VSIG1: variants seen among roughly 807,000 people sequenced by gnomAD.
VSIG1 encodes V-set and immunoglobulin domain-containing protein 1.
VSIG1 carries 11 observed loss-of-function variants against 20.1 expected under a neutral mutation model. That is an observed-to-expected ratio of 0.55 (90% CI 0.34 to 0.91). The LOEUF is 0.91. Ranked by LOEUF, VSIG1 falls within the 40% of genes least tolerant of loss-of-function variation. The probability of loss-of-function intolerance (pLI) is 0.02; values close to 1 mark genes in which losing one functional copy is unlikely to be tolerated. For synonymous variants in VSIG1, 126 were observed against 116.7 expected, an observed-to-expected ratio of 1.08 and a Z score of -0.52; for missense variants, 283 against 298.8, an observed-to-expected ratio of 0.95 and a Z score of 0.39.
intron 4 of VSIG1, 142 bp from the exon 5 acceptor site, chrX:108,073,108 C>T (rs2031282709): frequency 1.4e-6 from 1 of 738,420 alleles, no homozygotes; most frequent in South Asian, 2.6e-5. Flanking sequence ...TGGAACAGTC[C>T]TGAGGGGCCT....
chrX:108,073,692 G>A, intron 5 of VSIG1: 1 of 175,741 alleles, frequency 5.7e-6, no homozygotes, highest in Non-Finnish European at 1.1e-5. Flanking sequence ...TGATGCTGTT[G>A]GTAAATCCAG....
chrX:108,033,282 C>T, the VSIG1 span, among the ~76,000 whole-genome samples: 7 of 112,269 alleles, frequency 6.2e-5, no homozygotes, highest in Middle Eastern at 4.6e-3. Flanking sequence ...TCGCTACGAG[C>T]GGTGAGATCC....
chrX:108,067,502 G>A (rs886136847), intron 3 of VSIG1, among the ~76,000 whole-genome samples: 11 of 111,633 alleles, frequency 9.9e-5, no homozygotes, highest in African/African-American at 3.6e-4. Context: ...ATCTACCTGG[G>A]GGAGACTACT....
Position 108,047,953 on chromosome X carries a change from TACAC to T in VSIG1, c.49+2780_49+2783del, listed in dbSNP as rs1158174171. Among the ~76,000 whole-genome samples, 60 of 14,984 alleles carry T rather than the reference TACAC, an allele frequency of 4.0e-3. 2 individuals are homozygous for T. The highest frequency in any genetic ancestry group is 0.011 in the African/African-American group (27 of 2,364). The allele number at this position is 14,984 out of a possible 115,157, so 13.0% of individuals were successfully genotyped here. On this transcript the variant is annotated intron_variant, in intron 1 of 6. Transcript: ENST00000217957. Reference sequence around the variant, plus strand: ...ATATATACACATATATATATATATATACACACACATATATATATATATATATATA... The same window carrying T: ...ATATATACACATATATATATATATATACACATATATATATATATATATATA...
Position 108,077,268 on chromosome X carries a change from G to A in VSIG1, c.1051G>A (p.Glu351Lys), listed in dbSNP as rs369725236. The A allele has an allele frequency of 4.3e-5, 52 of 1,210,346 alleles. No individual in the cohort carries two copies. The highest frequency in any genetic ancestry group is 5.6e-5 in the Non-Finnish European group (50 of 895,401). Residue 351 changes from glutamate (E) to lysine (K), a missense_variant, in exon 7 of 7, where the codon GAG becomes AAG. Transcript: ENST00000217957. ...TGACCTTGACATCGAGCTGGAGCTG[G>A]AGCCAGAAACGCAGTCGGAATTGGA... ...VPDLDIELEL[E>K]PETQSELEPE...
At chrX:108,047,877 T>TATATATACACACAC (rs1569287178) in intron 1 of VSIG1, among the ~76,000 whole-genome samples, 5 of 31,607 alleles carry the variant, frequency 1.6e-4, no homozygotes, top group African/African-American at 7.7e-4. Flanking sequence ...TATACACATA[T>TATATATACACACAC]ATATATATAC....
At chrX:108,050,832 T>C (rs1380709548) in intron 1 of VSIG1, among the ~76,000 whole-genome samples, 1 of 111,438 alleles carries the variant, frequency 9.0e-6, no homozygotes, top group East Asian at 2.8e-4. Context: ...GTATAAACCC[T>C]GGAAATAATG....
chrX:108,075,703 G>A (rs1276984231), intron 5 of VSIG1, among the ~76,000 whole-genome samples: 1 of 111,344 alleles, frequency 9.0e-6, no homozygotes, highest in Non-Finnish European at 1.9e-5. Flanking sequence ...CGCCATGGGG[G>A]AGGTTTTTAG....
At chrX:108,046,347 T>A (rs1469270517) in intron 1 of VSIG1, among the ~76,000 whole-genome samples, 2 of 111,873 alleles carry the variant, frequency 1.8e-5, no homozygotes, top group African/African-American at 6.5e-5. Context: ...CACATGTTCC[T>A]ATTTTCCCTT....
At chrX:108,035,697 G>A in the VSIG1 span, among the ~76,000 whole-genome samples, 1 of 110,876 alleles carries the variant, frequency 9.0e-6, no homozygotes, top group Non-Finnish European at 1.9e-5. Context: ...GTAGCATAAT[G>A]CAGCTATTCA....
chrX:108,069,454 C>T (rs1438456330), intron 3 of VSIG1, among the ~76,000 whole-genome samples: 2 of 111,760 alleles, frequency 1.8e-5, no homozygotes, highest in African/African-American at 3.3e-5. Context: ...AAAATTGCAG[C>T]GACTATTTGC....
chrX:108,044,808 C>T (rs896189199), upstream of VSIG1, among the ~76,000 whole-genome samples: 14 of 112,102 alleles, frequency 1.2e-4, no homozygotes, highest in African/African-American at 4.2e-4. Flanking sequence ...CCAAGTACAA[C>T]GTTTTAGTAA....
chrX:108,060,570 C>G (rs1427165909), intron 2 of VSIG1, among the ~76,000 whole-genome samples: 1 of 111,727 alleles, frequency 9.0e-6, no homozygotes. Context: ...TCCCCATATC[C>G]TGCTGGCATG....
upstream of VSIG1, among the ~76,000 whole-genome samples, chrX:108,040,863 C>CGT (rs1160406496): frequency 4.0e-4 from 43 of 108,628 alleles, no homozygotes; most frequent in South Asian, 1.2e-3. Flanking sequence ...TAAAAAACCT[C>CGT]GTGTGTGTGT....
At chrX:108,020,579 T>A in the VSIG1 span, among the ~76,000 whole-genome samples, 1 of 111,952 alleles carries the variant, frequency 8.9e-6, no homozygotes, top group Non-Finnish European at 1.9e-5. Flanking sequence ...TGTACATCTA[T>A]GTCTTTGCAG....
At chrX:108,076,981 G>A in intron 6 of VSIG1, 67 bp from the exon 7 acceptor site, 1 of 1,041,352 alleles carries the variant, frequency 9.6e-7, no homozygotes, top group South Asian at 2.2e-5. Context: ...AGAACATATG[G>A]TTTCACATGA....
chrX:108,045,869 G>C (rs529333111), intron 1 of VSIG1, among the ~76,000 whole-genome samples: 2 of 111,700 alleles, frequency 1.8e-5, no homozygotes, highest in Non-Finnish European at 3.8e-5. Flanking sequence ...TTATAAGTTA[G>C]GTCCATAGTA....
intron 1 of VSIG1, among the ~76,000 whole-genome samples, chrX:108,057,315 T>C (rs1187112136): frequency 1.8e-5 from 2 of 112,133 alleles, no homozygotes; most frequent in Admixed American, 9.4e-5. Context: ...AACTGTTCAA[T>C]ATCTTGACTG....
chrX:108,074,909 G>T (rs953891105), intron 5 of VSIG1, among the ~76,000 whole-genome samples: 3 of 111,915 alleles, frequency 2.7e-5, no homozygotes, highest in African/African-American at 9.8e-5. Context: ...TGATATGTTT[G>T]AATCAATTGA....
Sources: gnomAD v4.1 joint callset for allele counts (sites outside exome capture counted in the v4.1 genomes callset) on GRCh38, gnomAD v4.1.1 for gene constraint, MANE v1.5 for transcripts, NCBI Gene and HGNC (gene_info 2026-07-23, HGNC 2026-07-21) for gene names.